RBM19: variants seen among roughly 807,000 people sequenced by gnomAD.
The protein encoded by RBM19 is probable RNA-binding protein 19.
RBM19 carries 94 observed loss-of-function variants against 116.8 expected under a neutral mutation model. The ratio of observed to expected loss-of-function variants is 0.80; its 90% CI spans 0.68 to 0.95. The LOEUF (loss-of-function observed/expected upper bound fraction) is 0.95, where lower values mean the gene tolerates loss of function less well. Ranked by LOEUF, RBM19 falls within the 40% of genes least tolerant of loss-of-function variation. RBM19 has a pLI of 0.00. For missense variants in RBM19, 1,161 were observed against 1,220.7 expected (o/e 0.95, Z 0.73); for synonymous variants, 475 against 494.1 (o/e 0.96, Z 0.51).
chr12:113,907,971 G>T (rs1250357432), intron 21 of RBM19, among the ~76,000 whole-genome samples: 2 of 152,146 alleles, frequency 1.3e-5, no homozygotes, highest in Non-Finnish European at 2.9e-5. Context: ...CCTGACCTAG[G>T]GCCTCTCTGG....
intron 23 of RBM19, among the ~76,000 whole-genome samples, chr12:113,824,801 C>T (rs1192366538): frequency 6.6e-6 from 1 of 152,102 alleles, no homozygotes; most frequent in Non-Finnish European, 1.5e-5. Context: ...ACCCGTTTCT[C>T]ATCATCTCCA....
intron 21 of RBM19, among the ~76,000 whole-genome samples, chr12:113,882,935 T>G (rs1049126973): frequency 1.3e-5 from 2 of 152,126 alleles, no homozygotes; most frequent in African/African-American, 4.8e-5. Flanking sequence ...GCAGCCCTCT[T>G]TTTCCCAGGA....
intron 8 of RBM19, among the ~76,000 whole-genome samples, chr12:113,950,760 T>C (rs908930353): frequency 6.6e-6 from 1 of 152,172 alleles, no homozygotes; most frequent in Non-Finnish European, 1.5e-5. Context: ...GTCTAATACT[T>C]GGTCCAAAGC....
chr12:113,878,854 G>C (rs1879870330), intron 21 of RBM19, among the ~76,000 whole-genome samples: 1 of 150,594 alleles, frequency 6.6e-6, no homozygotes, highest in African/African-American at 2.4e-5. Context: ...GGGGGGGGTG[G>C]TGAGAGGGTG....
chr12:113,837,727 T>C (rs1233471959), intron 23 of RBM19, among the ~76,000 whole-genome samples: 2 of 152,274 alleles, frequency 1.3e-5, no homozygotes, highest in African/African-American at 4.8e-5. Flanking sequence ...ATCCTGGCTC[T>C]GTGGTCAGTA....
chr12:113,865,804 C>T (rs1372158403), intron 21 of RBM19, among the ~76,000 whole-genome samples: 1 of 151,540 alleles, frequency 6.6e-6, no homozygotes, highest in African/African-American at 2.4e-5. Flanking sequence ...TTATTCCTTC[C>T]AGGCAATGAA....
In RBM19 at chr12:113,918,741, T is replaced by C. The variant is rs185999651; in HGVS notation, c.2386-294A>G. Among the ~76,000 whole-genome samples the C allele has an allele frequency of 2.9e-3, 448 of 152,342 alleles. 2 individuals are homozygous for C. The highest frequency in any genetic ancestry group is 5.6e-3 in the Admixed American group (85 of 15,306). On this transcript the variant is annotated intron_variant, in intron 19 of 23. Coordinates refer to ENST00000261741, the MANE Select transcript of RBM19 (RefSeq NM_016196.4). ...CGGAATTTTCCATTGTTTATAAGCA[T>C]GTTCAGGCAAAGTAAGGCCCTTAGG...
At chr12:113,893,202 T>C (rs1881075223) in intron 21 of RBM19, among the ~76,000 whole-genome samples, 1 of 152,102 alleles carries the variant, frequency 6.6e-6, no homozygotes, top group Non-Finnish European at 1.5e-5. Context: ...TGTCTAATTT[T>C]TAATTTTTTG....
intron 21 of RBM19, among the ~76,000 whole-genome samples, chr12:113,891,754 G>T (rs1880977893): frequency 6.6e-6 from 1 of 152,254 alleles, no homozygotes; most frequent in Admixed American, 6.5e-5. Flanking sequence ...AGGCTGGGAT[G>T]AAAAAAGATA....
chr12:113,826,483 G>A (rs191954375), intron 23 of RBM19, among the ~76,000 whole-genome samples: 121 of 152,290 alleles, frequency 7.9e-4, no homozygotes, highest in African/African-American at 2.4e-3. Flanking sequence ...CAGCTGAGAC[G>A]AGGCCAAGAG....
At chr12:113,874,204 G>A (rs1048008808) in intron 21 of RBM19, among the ~76,000 whole-genome samples, 1 of 152,148 alleles carries the variant, frequency 6.6e-6, no homozygotes, top group Non-Finnish European at 1.5e-5. Context: ...CTGAATGGCC[G>A]GCACCCAGAA....
chr12:113,930,939 C>A (rs1198249817), intron 16 of RBM19, among the ~76,000 whole-genome samples: 1 of 152,144 alleles, frequency 6.6e-6, no homozygotes, highest in Non-Finnish European at 1.5e-5. Flanking sequence ...TGTCTCTGCA[C>A]CCTTACCTAT....
intron 13 of RBM19, among the ~76,000 whole-genome samples, chr12:113,943,311 G>C (rs568734456): frequency 6.6e-6 from 1 of 152,114 alleles, no homozygotes; most frequent in Non-Finnish European, 1.5e-5. Flanking sequence ...CAGAGTACTC[G>C]GGGGATCTGA....
At position 113,905,979 on chromosome 12, in the gene RBM19, G is replaced by A. The variant is rs114051283; in HGVS notation, c.2558+8990C>T. On this transcript the variant is annotated intron_variant, in intron 21 of 23. Coordinates refer to ENST00000261741, the MANE Select transcript of RBM19 (RefSeq NM_016196.4). Reference sequence around the variant, plus strand: ...AAGACAGACAACACCAAGTGTGGACGAGGATGAGGCGCACCAGAACACCAT... The same window carrying A: ...AAGACAGACAACACCAAGTGTGGACAAGGATGAGGCGCACCAGAACACCAT... Among the ~76,000 whole-genome samples the A allele has an allele frequency of 7.2e-3, 1,099 of 152,294 alleles. 12 individuals are homozygous for A. Among genetic ancestry groups the A allele is most frequent in the African/African-American group, 0.024 (987 of 41,562 alleles).
chr12:113,928,625 A>ATGTGTGTGTGTGTGTG (rs57242923), intron 16 of RBM19, among the ~76,000 whole-genome samples: 2,317 of 120,342 alleles, frequency 0.019, 60 homozygotes, highest in Middle Eastern at 0.032. Flanking sequence ...TTAGCAAGGG[A>ATGTGTGTGTGTGTGTG]TGTGTGTGTG....
chr12:113,953,452 T>A (rs1871644668), intron 7 of RBM19, among the ~76,000 whole-genome samples: 1 of 152,196 alleles, frequency 6.6e-6, no homozygotes, highest in Admixed American at 6.5e-5. Context: ...TGCACCATTG[T>A]ACTCCAGCCT....
chr12:113,862,063 A>G (rs1014685225), intron 21 of RBM19, among the ~76,000 whole-genome samples: 5 of 152,328 alleles, frequency 3.3e-5, no homozygotes, highest in East Asian at 1.9e-4. Flanking sequence ...CTTAAGGAGG[A>G]GCTGAAAGAT....
intron 21 of RBM19, among the ~76,000 whole-genome samples, chr12:113,870,063 G>A (rs934207236): frequency 3.3e-5 from 5 of 152,220 alleles, no homozygotes; most frequent in Non-Finnish European, 7.3e-5. Context: ...GAAGTTCCAG[G>A]ATCCTGGAAG....
At chr12:113,963,761 C>T (rs374345596) in intron 1 of RBM19, among the ~76,000 whole-genome samples, 52 of 152,308 alleles carry the variant, frequency 3.4e-4, no homozygotes, top group African/African-American at 1.2e-3. Flanking sequence ...GTCTCAAGGA[C>T]GAGCACCTAA....
Sources: allele counts gnomAD v4.1 joint callset (sites outside exome capture counted in the v4.1 genomes callset), GRCh38; gene constraint gnomAD v4.1.1; transcripts MANE v1.5; gene names NCBI Gene and HGNC (gene_info 2026-07-23, HGNC 2026-07-21).